GRN: variants seen among roughly 807,000 people sequenced by gnomAD.
GRN encodes granulin precursor, also known as progranulin.
GRN carries 30 observed loss-of-function variants against 66.7 expected under a neutral mutation model. That is an observed-to-expected ratio of 0.45 (90% CI 0.34 to 0.61). GRN has a LOEUF of 0.61. Among genes scored for constraint, GRN ranks in the 20% least tolerant of loss-of-function variants. GRN has a pLI of 0.01. For missense variants in GRN, 731 were observed against 803.5 expected, an observed-to-expected ratio of 0.91 and a Z score of 1.09; for synonymous variants, 327 against 311.1, an observed-to-expected ratio of 1.05 and a Z score of -0.54.
At chr17:44,352,314 G>A in intron 11 of GRN, 27 bp from the exon 12 acceptor site, 1 of 1,607,470 alleles carries the variant, frequency 6.2e-7, no homozygotes, top group Non-Finnish European at 8.5e-7. Context: ...GGAACATAAT[G>A]CCATTCTGTG....
intron 1 of GRN, among the ~76,000 whole-genome samples, chr17:44,347,048 C>T (rs955031915): frequency 6.6e-5 from 10 of 151,286 alleles, no homozygotes; most frequent in Admixed American, 2.0e-4. Flanking sequence ...ACCTGGGAGG[C>T]GGAGTTCGCA....
intron 8 of GRN, 27 bp downstream of exon 8, chr17:44,351,190 G>T (rs201528305): frequency 1.7e-5 from 27 of 1,614,022 alleles, no homozygotes. Context: ...GCAGATACAG[G>T]GGTGGGGCCC....
In GRN at chr17:44,353,071, C is replaced by T. The variant is rs971394484; in HGVS notation, c.*273C>T. On this transcript the variant is annotated 3_prime_UTR_variant, in exon 13 of 13. Coordinates refer to ENST00000053867, the MANE Select transcript of GRN (RefSeq NM_002087.4). ...CCACAGGGGTGTTTGTGTGTGTGCG[C>T]GTGTGCGTTTCAATAAAGTTTGTAC... The T allele has an allele frequency of 9.2e-5, 53 of 578,106 alleles. No individual in the cohort carries two copies. The South Asian group carries it at 9.5e-4, about 10-fold the overall frequency. 35.8% of individuals were successfully genotyped at this position (578,106 alleles called of 1,614,324 possible).
At chr17:44,346,986 G>A (rs1010133437) in intron 1 of GRN, among the ~76,000 whole-genome samples, 1 of 151,846 alleles carries the variant, frequency 6.6e-6, no homozygotes, top group Non-Finnish European at 1.5e-5. Flanking sequence ...GTGTGGTAGC[G>A]CACACCTATA....
Position 44,351,761 on chromosome 17 carries a change from C to G in GRN, c.1145C>G (p.Thr382Arg). ...CPSSDTCCQL[T>R]SGEWGCCPIP... ...TCCTCCGATACCTGCTGCCAACTCA[C>G]GTCTGGGGAGTGGGGCTGCTGTCCA... Residue 382 changes from threonine (T) to arginine (R), a missense_variant, in exon 10 of 13, where the codon ACG becomes AGG. Thr to Arg is a moderately conservative substitution (Grantham distance 71, BLOSUM62 -1). This residue lies in a region of GRN where 319 missense variants were observed against 347.2 expected (regional missense o/e 0.92). Transcript: ENST00000053867. 1.2e-6 allele frequency: 2 copies of G among 1,613,458 alleles called. No homozygotes were observed. The highest frequency in any genetic ancestry group is 1.3e-5 in the African/African-American group (1 of 74,998).
intron 5 of GRN, 32 bp from the exon 6 acceptor site, chr17:44,350,410 G>A (rs777870602): frequency 6.2e-7 from 1 of 1,613,000 alleles, no homozygotes; most frequent in Non-Finnish European, 8.5e-7. Context: ...GGGGCAGGGG[G>A]TGAAGACGGA....
chr17:44,351,988 C>A (rs778348440), intron 10 of GRN, 27 bp from the exon 11 acceptor site: 1 of 1,580,866 alleles, frequency 6.3e-7, no homozygotes, highest in South Asian at 1.1e-5. Context: ...TGGCTACCTA[C>A]AACGCCCTTT....
rs606231221 is a variant in GRN, at chr17:44,351,164, G to C, written c.835+1G>C. 6.2e-7 allele frequency: 1 copy of C among 1,614,136 alleles called. No individual in the cohort carries two copies. Among genetic ancestry groups the C allele is most frequent in the Non-Finnish European group, 8.5e-7 (1 of 1,179,992 alleles). Reference sequence around the variant, plus strand: ...CTCACTAAGCTGCCTGCGCACACAGGTACCAGAGGCAGGGTGCAGATACAG... The same window carrying C: ...CTCACTAAGCTGCCTGCGCACACAGCTACCAGAGGCAGGGTGCAGATACAG... On this transcript the variant is annotated splice_donor_variant, in intron 8 of 12. Coordinates refer to ENST00000053867, the MANE Select transcript of GRN (RefSeq NM_002087.4). LOFTEE classifies it high-confidence loss of function.
intron 1 of GRN, among the ~76,000 whole-genome samples, chr17:44,347,319 C>T (rs1018389001): frequency 2.0e-5 from 3 of 152,016 alleles, no homozygotes; most frequent in African/African-American, 7.2e-5. Context: ...ATCTCAGTCT[C>T]ACTCTGTCAC....
At chr17:44,349,579 G>A (rs1378450528) in intron 3 of GRN, 28 bp downstream of exon 3, 1 of 1,613,836 alleles carries the variant, frequency 6.2e-7, no homozygotes, top group Admixed American at 1.7e-5. Flanking sequence ...CCAGTGGAGG[G>A]GCTTAGGTCT....
rs529849967 is a variant in GRN at position 44,351,152 on chromosome 17, C to A, written c.824C>A (p.Pro275His). 1.2e-6 allele frequency: 2 copies of A among 1,614,158 alleles called. No homozygotes were observed. The highest frequency in any genetic ancestry group is 3.3e-5 in the Admixed American group (2 of 60,030). Residue 275 changes from proline (P) to histidine (H), a missense_variant, in exon 8 of 13, where the codon CCT becomes CAT. By Grantham distance (77) the Pro-to-His change is moderately conservative. Coordinates refer to ENST00000053867, the MANE Select transcript of GRN (RefSeq NM_002087.4). ...ACCACGGACCTCCTCACTAAGCTGC[C>A]TGCGCACACAGGTACCAGAGGCAGG... ...NATTDLLTKL[P>H]AHTVGDVKCD...
intron 11 of GRN, 44 bp from the exon 12 acceptor site, chr17:44,352,297 G>A: frequency 6.2e-7 from 1 of 1,604,764 alleles, no homozygotes; most frequent in Non-Finnish European, 8.5e-7. Context: ...AGCCCAGTGA[G>A]GGGACAGGAA....
chr17:44,349,289 G>A lies in GRN; in HGVS notation c.125G>A (p.Cys42Tyr), dbSNP rs1361710653. The A allele has an allele frequency of 1.2e-6, 2 of 1,613,768 alleles. No homozygotes were observed. Among genetic ancestry groups the A allele is most frequent in the Non-Finnish European group, 1.7e-6 (2 of 1,180,038 alleles). ...CCCGGAGGAGCCAGCTACAGCTGCT[G>A]CCGTCCCCTTCTGGTGAGTGCCCCT... ...LDPGGASYSCCRPLLDKWPTT... is the reference protein window; with the variant it reads ...LDPGGASYSCYRPLLDKWPTT... The change falls in exon 2 of 13, where the codon TGC (cysteine) becomes TAC (tyrosine). Residue 42 changes from cysteine to tyrosine, a missense_variant. By Grantham distance (194) the Cys-to-Tyr change is radical. Around this residue, in one of 3 missense-constraint regions of GRN, gnomAD observed 370 missense variants for 379.8 expected, o/e 0.97. Coordinates refer to ENST00000053867, the MANE Select transcript of GRN (RefSeq NM_002087.4).
At chr17:44,351,264 T>G in intron 8 of GRN, 99 bp from the exon 9 acceptor site, 1 of 1,538,978 alleles carries the variant, frequency 6.5e-7, no homozygotes, top group South Asian at 1.1e-5. Flanking sequence ...GTACCCTCCA[T>G]CTTCAACACC....
intron 9 of GRN, 30 bp downstream of exon 9, chr17:44,351,490 A>G (rs1352954418): frequency 1.9e-6 from 3 of 1,613,050 alleles, no homozygotes; most frequent in Non-Finnish European, 2.5e-6. Context: ...GGGTGGGCTG[A>G]GCACAGTGTG....
rs1268209076 is a variant in GRN, at chr17:44,352,674, C to T, written c.1658C>T (p.Ala553Val). ...CCPYRQGVCC[A>V]DRRHCCPAGF... ...CTGACCATCCAGGGCGTCTGTTGTG[C>T]TGATCGGCGCCACTGCTGTCCTGCT... is the stretch of plus-strand genomic sequence containing the variant. Residue 553 changes from alanine (A) to valine (V), a missense_variant, in exon 13 of 13, where the codon GCT becomes GTT. By Grantham distance (64) the Ala-to-Val change is moderately conservative. This residue lies in a region of GRN where 319 missense variants were observed against 347.2 expected (regional missense o/e 0.92). Transcript: ENST00000053867. 6.2e-7 allele frequency: 1 copy of T among 1,609,990 alleles called. No individual in the cohort carries two copies.
Position 44,349,296 on chromosome 17 carries a change from C to T in GRN, c.132C>T (p.Pro44=). 1 of 1,613,960 alleles carries T rather than the reference C, an allele frequency of 6.2e-7. No individual in the cohort carries two copies. Among genetic ancestry groups the T allele is most frequent in the Non-Finnish European group, 8.5e-7 (1 of 1,180,040 alleles). ...GAGCCAGCTACAGCTGCTGCCGTCC[C>T]CTTCTGGTGAGTGCCCCTCAGCCTA... The part of the protein sequence containing the change: ...PGGASYSCCR[P]LLDKWPTTLS... Residue 44 remains proline (P), a synonymous_variant, in exon 2 of 13, where the codon CCC becomes CCT. Transcript: ENST00000053867.
chr17:44,350,520 C>T lies in GRN; in HGVS notation c.541C>T (p.Pro181Ser), dbSNP rs2048362487. Reference protein sequence around the residue: ...CDLVHTRCITPTGTHPLAKKL... With the variant: ...CDLVHTRCITSTGTHPLAKKL... ...CCTGGTTCACACCCGCTGCATCACA[C>T]CCACGGGCACCCACCCCCTGGCAAA... The change falls in exon 6 of 13, where the codon CCC becomes TCC. Residue 181 changes from proline (P) to serine (S), a missense_variant. Transcript: ENST00000053867. 6.2e-7 allele frequency: 1 copy of T among 1,613,864 alleles called. No homozygotes were observed. Among genetic ancestry groups the T allele is most frequent in the South Asian group, 1.1e-5 (1 of 91,090 alleles).
At chr17:44,350,641 G>A in intron 6 of GRN, 50 bp from the exon 7 acceptor site, 10 of 1,612,064 alleles carry the variant, frequency 6.2e-6, no homozygotes, top group Non-Finnish European at 8.5e-6. Flanking sequence ...CCAAGTGTAG[G>A]AAAAAGTTTC....
Sources: gnomAD v4.1 joint callset for allele counts (sites outside exome capture counted in the v4.1 genomes callset) on GRCh38, gnomAD v4.1.1 for gene constraint, gnomAD v4.1.1 regional missense constraint, MANE v1.5 for transcripts, NCBI Gene and HGNC (gene_info 2026-07-23, HGNC 2026-07-21) for gene names.